TBXAS1: variants seen among roughly 807,000 people sequenced by gnomAD.
TBXAS1 encodes the protein thromboxane-A synthase.
A neutral mutation model predicts 60.7 loss-of-function variants in TBXAS1; 48 were observed. The ratio of observed to expected loss-of-function variants is 0.79; its 90% CI spans 0.63 to 1.01. TBXAS1 has a LOEUF of 1.01. TBXAS1 is among the 50% of genes least tolerant of loss of function. The pLI, the probability that TBXAS1 is intolerant of heterozygous loss-of-function variation, is 0.00. For missense variants in TBXAS1, 685 were observed against 686.3 expected (o/e 1.00, Z 0.02); for synonymous variants, 287 against 269.7 (o/e 1.06, Z -0.63).
intron 4 of TBXAS1, among the ~76,000 whole-genome samples, chr7:139,935,576 G>A (rs1175475808): frequency 6.6e-6 from 1 of 152,116 alleles, no homozygotes; most frequent in Non-Finnish European, 1.5e-5. Context: ...ACAGTATTAG[G>A]CTATCAACCA....
At chr7:139,823,949 C>T (rs1487778057) in intron 4 of TBXAS1, among the ~76,000 whole-genome samples, 1 of 152,162 alleles carries the variant, frequency 6.6e-6, no homozygotes, top group South Asian at 2.1e-4. Flanking sequence ...AGAGAATGTG[C>T]CTGCTGACAC....
At position 139,916,632 on chromosome 7, in the gene TBXAS1, A is replaced by G. The variant is rs1316330432; in HGVS notation, c.333+5311A>G. On this transcript the variant is annotated intron_variant, in intron 4 of 12. Coordinates refer to ENST00000448866, the MANE Select transcript of TBXAS1 (RefSeq NM_001061.7). This position sits in a 1 kb window ranked among gnomAD's most constrained non-coding sequence, Gnocchi z 4.2. Reference sequence around the variant, plus strand: ...GAACATTGCAGGATGAGTCACTGTGAAACCACAAACTCCTTGGCATTGGTG... The same window carrying G: ...GAACATTGCAGGATGAGTCACTGTGGAACCACAAACTCCTTGGCATTGGTG... 6.6e-6 allele frequency among the ~76,000 whole-genome samples: 1 copy of G among 152,218 alleles called. No individual in the cohort carries two copies. Among genetic ancestry groups the G allele is most frequent in the African/African-American group, 2.4e-5 (1 of 41,468 alleles).
chr7:139,847,406 T>C (rs1191512361), intron 1 of TBXAS1, among the ~76,000 whole-genome samples: 1 of 152,220 alleles, frequency 6.6e-6, no homozygotes, highest in Non-Finnish European at 1.5e-5. Context: ...TTTTGTTTCC[T>C]GCTCACTCTC....
chr7:139,972,660 C>T (rs888115465), intron 9 of TBXAS1, among the ~76,000 whole-genome samples: 1 of 151,994 alleles, frequency 6.6e-6, no homozygotes, highest in Non-Finnish European at 1.5e-5. Context: ...CTTCTTGTCC[C>T]CAAAAAACCT....
intron 4 of TBXAS1, among the ~76,000 whole-genome samples, chr7:139,923,466 G>A (rs1033590462): frequency 6.6e-6 from 1 of 151,828 alleles, no homozygotes; most frequent in Non-Finnish European, 1.5e-5. Context: ...ATTTTTGTGA[G>A]TATATAGTAG....
intron 9 of TBXAS1, among the ~76,000 whole-genome samples, chr7:139,978,677 C>T (rs1314744237): frequency 6.6e-6 from 1 of 150,892 alleles, no homozygotes; most frequent in Non-Finnish European, 1.5e-5. Flanking sequence ...GTGGTTCACA[C>T]CTGCAATCCC....
chr7:139,778,947 A>G lies in TBXAS1; in HGVS notation c.-318+476A>G, dbSNP rs1021627353. On this transcript the variant is annotated intron_variant, in intron 1 of 16. Coordinates refer to the TBXAS1 transcript ENST00000336425. This position sits in a 1 kb window ranked among gnomAD's most constrained non-coding sequence, Gnocchi z 4.8. ...ACTGTGGGTCGTGACACAGTAATAG[A>G]TCATAAAATAAATGCAGCGGAAGGC... 2.6e-5 allele frequency among the ~76,000 whole-genome samples: 4 copies of G among 152,162 alleles called. No homozygotes were observed. Among genetic ancestry groups the G allele is most frequent in the Non-Finnish European group, 5.9e-5 (4 of 68,030 alleles).
At chr7:139,976,151 G>A (rs1297888728) in intron 9 of TBXAS1, among the ~76,000 whole-genome samples, 3 of 152,140 alleles carry the variant, frequency 2.0e-5, no homozygotes, top group East Asian at 3.9e-4. Flanking sequence ...GATTGCCCCC[G>A]GCCTCCCCTC....
chr7:139,829,872 T>A (rs1219729904), intron 1 of TBXAS1, among the ~76,000 whole-genome samples: 1 of 152,198 alleles, frequency 6.6e-6, no homozygotes, highest in African/African-American at 2.4e-5. Flanking sequence ...TTGGTTCATA[T>A]TACATTCAAA....
intron 4 of TBXAS1, among the ~76,000 whole-genome samples, chr7:139,925,952 T>C (rs1806843508): frequency 6.6e-6 from 1 of 152,224 alleles, no homozygotes; most frequent in Non-Finnish European, 1.5e-5. Context: ...GATTTGTATA[T>C]GTTGAGCCAT....
chr7:139,976,007 A>G (rs143399009), intron 9 of TBXAS1, among the ~76,000 whole-genome samples: 26 of 152,332 alleles, frequency 1.7e-4, no homozygotes, highest in African/African-American at 5.3e-4. Context: ...CCTTGTAGAA[A>G]GCTTTTCAGC....
chr7:139,952,478 G>C (rs1459202138), intron 5 of TBXAS1: 27 of 1,492,306 alleles, frequency 1.8e-5, no homozygotes, highest in Non-Finnish European at 2.7e-6. Flanking sequence ...TGATGTATTA[G>C]AGCACGTTGC....
chr7:139,997,647 T>C (rs1813388698), intron 9 of TBXAS1, among the ~76,000 whole-genome samples: 1 of 152,146 alleles, frequency 6.6e-6, no homozygotes, highest in South Asian at 2.1e-4. Context: ...TTTCCTGGAA[T>C]AGAGATAGTG....
chr7:139,786,834 G>A (rs1680201272), intron 3 of TBXAS1, among the ~76,000 whole-genome samples: 1 of 152,216 alleles, frequency 6.6e-6, no homozygotes, highest in African/African-American at 2.4e-5. Context: ...TGTGTTCCAT[G>A]GGAAGAGGTG....
intron 1 of TBXAS1, 109 bp from the exon 2 acceptor site, chr7:139,872,126 A>G: frequency 1.7e-6 from 2 of 1,156,322 alleles, no homozygotes; most frequent in Non-Finnish European, 2.6e-6. Context: ...CTGGAAACCT[A>G]TTCTTTTGCC....
intron 3 of TBXAS1, among the ~76,000 whole-genome samples, chr7:139,892,072 C>G (rs1391002005): frequency 6.6e-6 from 1 of 152,192 alleles, no homozygotes; most frequent in Non-Finnish European, 1.5e-5. Context: ...TCCTGATACA[C>G]TAGCTGGGCT....
At chr7:139,848,188 T>C (rs958669093) in intron 1 of TBXAS1, among the ~76,000 whole-genome samples, 1 of 152,130 alleles carries the variant, frequency 6.6e-6, no homozygotes, top group African/African-American at 2.4e-5. Context: ...TTTTGCTATG[T>C]TGCCCAGGCT....
intron 9 of TBXAS1, among the ~76,000 whole-genome samples, chr7:139,994,821 T>C (rs769339782): frequency 2.0e-5 from 3 of 152,212 alleles, no homozygotes; most frequent in Non-Finnish European, 2.9e-5. Flanking sequence ...TGTTCAATAA[T>C]AGATTCCCAG....
intron 9 of TBXAS1, among the ~76,000 whole-genome samples, chr7:139,965,026 CT>C (rs1211460715): frequency 6.6e-6 from 1 of 152,236 alleles, no homozygotes; most frequent in Middle Eastern, 3.2e-3. Context: ...CAAGACCAGC[CT>C]GACCAACACA....
Sources: allele counts gnomAD v4.1 joint callset (sites outside exome capture counted in the v4.1 genomes callset), GRCh38; gene constraint gnomAD v4.1.1; non-coding constraint Gnocchi (gnomAD v3.1); transcripts MANE v1.5; gene names NCBI Gene and HGNC (gene_info 2026-07-23, HGNC 2026-07-21).